The following SNTG2 variants were observed in gnomAD, a reference collection of about 807,000 sequenced individuals.
The protein encoded by SNTG2 is syntrophin gamma 2, also known as gamma-2-syntrophin.
A neutral mutation model predicts 70.9 loss-of-function variants in SNTG2; 74 were observed. The ratio of observed to expected loss-of-function variants is 1.04; its 90% CI spans 0.86 to 1.27. The LOEUF is 1.27. SNTG2 is among the 50% of genes most tolerant of loss of function. The pLI, the probability that SNTG2 is intolerant of heterozygous loss-of-function variation, is 0.00. For synonymous variants in SNTG2, 278 were observed against 273.8 expected (o/e 1.02, Z -0.15); for missense variants, 717 against 690.7 (o/e 1.04, Z -0.43).
At chr2:1,330,462 C>T (rs572407003) in intron 16 of SNTG2, among the ~76,000 whole-genome samples, 13 of 152,192 alleles carry the variant, frequency 8.5e-5, no homozygotes, top group Admixed American at 3.3e-4. Flanking sequence ...TGGGAAAGGC[C>T]TGGGAAAGCC....
At chr2:1,247,254 C>A in intron 11 of SNTG2, 73 bp from the exon 12 acceptor site, 1 of 895,000 alleles carries the variant, frequency 1.1e-6, no homozygotes, top group African/African-American at 1.6e-5. Flanking sequence ...ATGGCTTGCT[C>A]ATGTGCTTAA....
chr2:1,022,536 C>T (rs1572237544), intron 1 of SNTG2, among the ~76,000 whole-genome samples: 1 of 151,952 alleles, frequency 6.6e-6, no homozygotes, highest in East Asian at 1.9e-4. Context: ...CTTGCATTCC[C>T]GTCAGTCCCT....
At chr2:1,051,454 T>C (rs1483984880) in intron 1 of SNTG2, among the ~76,000 whole-genome samples, 1 of 152,192 alleles carries the variant, frequency 6.6e-6, no homozygotes, top group Non-Finnish European at 1.5e-5. Flanking sequence ...AATGATCATA[T>C]AAGTTCTTTG....
At chr2:1,149,730 C>T (rs57544353) in intron 6 of SNTG2, among the ~76,000 whole-genome samples, 140,392 of 142,204 alleles carry the variant, frequency 0.99, 69,324 homozygotes, top group Non-Finnish European at 1. Context: ...CTCTGTTGCC[C>T]AGGCTGGAGT....
At chr2:1,072,343 CTTTTTCTTTTTTT>C (rs1663626644) in intron 1 of SNTG2, among the ~76,000 whole-genome samples, 1 of 23,498 alleles carries the variant, frequency 4.3e-5, no homozygotes, top group South Asian at 1.8e-3. Flanking sequence ...TTTTCTTTTT[CTTTTTCTTTTTTT>C]TTTTTTTTTA....
At chr2:1,300,757 G>T (rs939850703) in intron 14 of SNTG2, among the ~76,000 whole-genome samples, 4 of 152,116 alleles carry the variant, frequency 2.6e-5, no homozygotes, top group African/African-American at 7.2e-5. Context: ...TGTTTAGAGC[G>T]TGAATTTTTA....
intron 12 of SNTG2, among the ~76,000 whole-genome samples, chr2:1,257,473 CAG>C (rs1678186696): frequency 6.6e-6 from 1 of 152,156 alleles, no homozygotes; most frequent in Non-Finnish European, 1.5e-5. Context: ...GCAGACGCCA[CAG>C]GGACGAACAG....
intron 4 of SNTG2, among the ~76,000 whole-genome samples, chr2:1,128,672 T>C (rs1667848510): frequency 6.6e-6 from 1 of 152,050 alleles, no homozygotes; most frequent in African/African-American, 2.4e-5. Context: ...ATTGTTTATA[T>C]ACTGCCATGA....
intron 6 of SNTG2, among the ~76,000 whole-genome samples, chr2:1,155,261 CACAT>C (rs1343676320): frequency 2.0e-5 from 3 of 151,440 alleles, no homozygotes; most frequent in Non-Finnish European, 4.4e-5. Flanking sequence ...ACACCACACA[CACAT>C]ACCCACACCC....
intron 16 of SNTG2, among the ~76,000 whole-genome samples, chr2:1,326,518 C>A (rs1452315062): frequency 6.6e-6 from 1 of 152,156 alleles, no homozygotes; most frequent in Non-Finnish European, 1.5e-5. Flanking sequence ...AACCATTACT[C>A]TTTGATAGAG....
At chr2:984,837 C>A (rs1394697537) in intron 1 of SNTG2, among the ~76,000 whole-genome samples, 2 of 152,196 alleles carry the variant, frequency 1.3e-5, no homozygotes, top group Admixed American at 1.3e-4. Context: ...TGAACCCAGA[C>A]CTTAGGTCTT....
At chr2:1,006,322 A>G (rs1412098486) in intron 1 of SNTG2, among the ~76,000 whole-genome samples, 1 of 151,694 alleles carries the variant, frequency 6.6e-6, no homozygotes, top group Non-Finnish European at 1.5e-5. Flanking sequence ...TAAAAAAAAG[A>G]AAAAAAATGC....
At chr2:1,348,387 A>T (rs1470516095) in intron 16 of SNTG2, among the ~76,000 whole-genome samples, 1 of 152,206 alleles carries the variant, frequency 6.6e-6, no homozygotes, top group East Asian at 1.9e-4. Flanking sequence ...ATATTCTTTA[A>T]GTCTGAAAAC....
chr2:1,229,070 C>T (rs545762128), intron 9 of SNTG2, among the ~76,000 whole-genome samples: 1 of 152,144 alleles, frequency 6.6e-6, no homozygotes, highest in South Asian at 2.1e-4. Context: ...CAGCGTGGAC[C>T]CAAAGAGTGA....
intron 9 of SNTG2, among the ~76,000 whole-genome samples, chr2:1,213,787 T>G (rs566012719): frequency 2.0e-5 from 3 of 152,356 alleles, no homozygotes; most frequent in Admixed American, 6.5e-5. Context: ...ATATTGTTTC[T>G]TCTGTCACCT....
intron 2 of SNTG2, among the ~76,000 whole-genome samples, chr2:1,086,345 G>A (rs953224483): frequency 6.6e-6 from 1 of 152,074 alleles, no homozygotes; most frequent in Non-Finnish European, 1.5e-5. Context: ...CTGCATAGAA[G>A]CAGAAAGCCC....
intron 9 of SNTG2, among the ~76,000 whole-genome samples, chr2:1,231,186 C>T (rs1220324663): frequency 6.7e-6 from 1 of 149,624 alleles, no homozygotes; most frequent in Admixed American, 6.6e-5. Flanking sequence ...TCCATAGGGT[C>T]ACTGCGAGGG....
chr2:1,066,134 T>C (rs894701259), intron 1 of SNTG2, among the ~76,000 whole-genome samples: 4 of 152,170 alleles, frequency 2.6e-5, no homozygotes, highest in African/African-American at 9.6e-5. Flanking sequence ...CCAATAGAAA[T>C]AAGTTTGTTT....
intron 1 of SNTG2, among the ~76,000 whole-genome samples, chr2:1,022,985 A>T (rs1660275866): frequency 6.6e-6 from 1 of 152,164 alleles, no homozygotes; most frequent in African/African-American, 2.4e-5. Context: ...GGGTAGGAGG[A>T]TGTGAGACTG....
Sources: allele counts gnomAD v4.1 joint callset (sites outside exome capture counted in the v4.1 genomes callset), GRCh38; gene constraint gnomAD v4.1.1; transcripts MANE v1.5; gene names NCBI Gene and HGNC (gene_info 2026-07-23, HGNC 2026-07-21).